Variants in RBM39 observed in about 807,000 individuals in gnomAD.
The protein encoded by RBM39 is RNA binding motif protein 39, also known as RNA-binding protein 39.
A neutral mutation model predicts 79.6 loss-of-function variants in RBM39; 12 were observed. The observed-to-expected ratio is 0.15, with a 90% CI of 0.10 to 0.24. RBM39 has a LOEUF of 0.24. RBM39 is among the 10% of genes least tolerant of loss of function. RBM39 has a pLI of 1.00. For missense variants in RBM39, 243 were observed against 653.4 expected (o/e 0.37, Z 6.85); for synonymous variants, 185 against 208.4 (o/e 0.89, Z 0.97).
intron 2 of RBM39, chr20:35,740,380 G>A: frequency 2.6e-6 from 1 of 380,514 alleles, no homozygotes; most frequent in Non-Finnish European, 5.2e-6. Context: ...CCACAGACTG[G>A]TCATGCTTTG....
At chr20:35,724,844 G>T (rs1203114287) in intron 7 of RBM39, 122 bp from the exon 8 acceptor site, 7 of 1,241,876 alleles carry the variant, frequency 5.6e-6, no homozygotes, top group Non-Finnish European at 7.8e-6. Context: ...TAAATCTGTA[G>T]GACAATTCCT....
chr20:35,718,080 TG>T (rs1326815622), intron 9 of RBM39, among the ~76,000 whole-genome samples: 15 of 152,018 alleles, frequency 9.9e-5, no homozygotes, highest in Non-Finnish European at 1.3e-4. Flanking sequence ...AGGATGGTCT[TG>T]ATCTCCTGAC....
intron 3 of RBM39, 107 bp from the exon 4 acceptor site, chr20:35,732,242 G>T: frequency 9.0e-7 from 1 of 1,108,700 alleles, no homozygotes; most frequent in Non-Finnish European, 1.3e-6. Context: ...AATTTCTTTG[G>T]CTAGTTTTAC....
intron 10 of RBM39, among the ~76,000 whole-genome samples, chr20:35,715,333 C>A (rs60223674): frequency 0.042 from 6,339 of 152,122 alleles, 154 homozygotes; most frequent in African/African-American, 0.068. Flanking sequence ...CGCCACCACG[C>A]CCGGTTAATT....
At chr20:35,713,215 G>A in intron 11 of RBM39, 119 bp from the exon 12 acceptor site, 1 of 784,834 alleles carries the variant, frequency 1.3e-6, no homozygotes, top group Non-Finnish European at 2.0e-6. Context: ...CGAGTGTGGT[G>A]GTTGACGCCT....
intron 9 of RBM39, among the ~76,000 whole-genome samples, chr20:35,721,306 T>C (rs974508105): frequency 6.6e-6 from 1 of 152,166 alleles, no homozygotes; most frequent in Non-Finnish European, 1.5e-5. Context: ...TACTAAAAAA[T>C]AATAGTCTTC....
Position 35,728,792 on chromosome 20 carries a change from T to C in RBM39, c.416+520A>G, listed in dbSNP as rs372544062. ...ACTCCATCTCATAAATAAATAACTT[T>C]TGTGGCCGGGTGTGTTGGCTCACAC... On this transcript the variant is annotated intron_variant, in intron 6 of 16. Coordinates refer to ENST00000253363, the MANE Select transcript of RBM39 (RefSeq NM_184234.3). Among the ~76,000 whole-genome samples the C allele has an allele frequency of 2.5e-4, 38 of 149,874 alleles. No homozygotes were observed. In the East Asian group the frequency reaches 4.4e-3, roughly 17 times the overall value.
chr20:35,706,901 C>T (rs1157301707), intron 14 of RBM39, among the ~76,000 whole-genome samples: 4 of 151,768 alleles, frequency 2.6e-5, no homozygotes, highest in East Asian at 3.9e-4. Flanking sequence ...GTGGCGCATG[C>T]CTGTAATCCC....
chr20:35,704,835 A>G, intron 15 of RBM39, 89 bp from the exon 16 acceptor site: 2 of 1,094,122 alleles, frequency 1.8e-6, no homozygotes, highest in South Asian at 1.4e-5. Context: ...GTAGAAACTT[A>G]GTGCTCTATA....
At chr20:35,707,240 G>C in intron 13 of RBM39, 39 bp from the exon 14 acceptor site, 1 of 1,421,612 alleles carries the variant, frequency 7.0e-7, no homozygotes, top group Non-Finnish European at 9.9e-7. Flanking sequence ...CATGGAAAAT[G>C]CATGAAAGTA....
rs186029878 is a variant in RBM39 at position 35,721,620 on chromosome 20, C to G, written c.825+120G>C. 1.4e-3 allele frequency: 1,626 copies of G among 1,170,498 alleles called. 4 individuals are homozygous for G. Among genetic ancestry groups the G allele is most frequent in the Non-Finnish European group, 1.6e-3 (1,375 of 850,800 alleles). 72.5% of individuals were successfully genotyped at this position (1,170,498 alleles called of 1,614,324 possible). A position where few individuals can be genotyped will look rare whatever the true frequency, so the allele number is the denominator to read the frequency against. On this transcript the variant is annotated intron_variant, in intron 9 of 16. Coordinates refer to ENST00000253363, the MANE Select transcript of RBM39 (RefSeq NM_184234.3). The stretch of plus-strand genomic sequence containing the variant: ...TGTTGTCACAGAAATTTTTATAAAA[C>G]CAGCCCTTATCCTCTTAATATTAAC...
Position 35,738,949 on chromosome 20 carries a change from G to A in RBM39, c.101+19C>T. 1.2e-6 allele frequency: 2 copies of A among 1,602,482 alleles called. No individual in the cohort carries two copies. Among genetic ancestry groups the A allele is most frequent in the South Asian group, 1.1e-5 (1 of 90,776 alleles). On this transcript the variant is annotated intron_variant, in intron 3 of 16. Coordinates refer to ENST00000253363, the MANE Select transcript of RBM39 (RefSeq NM_184234.3). ...AAAAAAGCTCACCACCCTCCCCCAA[G>A]CCCCTTCTTAAAACTCACTTTTTGC...
chr20:35,738,125 C>T (rs1262024210), intron 3 of RBM39, among the ~76,000 whole-genome samples: 2 of 151,372 alleles, frequency 1.3e-5, no homozygotes, highest in Non-Finnish European at 2.9e-5. Flanking sequence ...CACTGCACCC[C>T]AGCCTGGGCG....
intron 13 of RBM39, chr20:35,708,986 T>C: frequency 2.6e-6 from 1 of 387,740 alleles, no homozygotes; most frequent in Non-Finnish European, 4.6e-6. Context: ...GTTGAAAATT[T>C]TAAGCAAACT....
intron 4 of RBM39, 169 bp from the exon 5 acceptor site, chr20:35,729,696 C>A: frequency 1.5e-6 from 1 of 646,930 alleles, no homozygotes; most frequent in Non-Finnish European, 2.6e-6. Flanking sequence ...AGGCAAGCTG[C>A]CCTTGTATTT....
chr20:35,723,440 CTCTT>C (rs2038245489), intron 8 of RBM39, among the ~76,000 whole-genome samples: 1 of 152,120 alleles, frequency 6.6e-6, no homozygotes, highest in Non-Finnish European at 1.5e-5. Context: ...ATTTGAGTAA[CTCTT>C]TTTTCTTTTT....
Position 35,703,878 on chromosome 20 carries a change from T to C in RBM39, c.*603A>G, listed in dbSNP as rs1172713289. ...TTCAGGAAATGCAGGGATCATTTTGTTTGGAATTTTAAGACACACCAGAAC... is the reference window on the plus strand; with the variant it reads ...TTCAGGAAATGCAGGGATCATTTTGCTTGGAATTTTAAGACACACCAGAAC... On this transcript the variant is annotated 3_prime_UTR_variant, in exon 17 of 17. Coordinates refer to ENST00000253363, the MANE Select transcript of RBM39 (RefSeq NM_184234.3). 1 of 152,268 alleles carries C rather than the reference T, an allele frequency of 6.6e-6. No homozygotes were observed. Among genetic ancestry groups the C allele is most frequent in the Admixed American group, 6.5e-5 (1 of 15,272 alleles). 9.4% of individuals were successfully genotyped at this position (152,268 alleles called of 1,614,324 possible).
intron 7 of RBM39, 120 bp from the exon 8 acceptor site, chr20:35,724,842 T>G: frequency 8.0e-7 from 1 of 1,255,626 alleles, no homozygotes; most frequent in Non-Finnish European, 1.1e-6. Context: ...AGTAAATCTG[T>G]AGGACAATTC....
chr20:35,734,510 T>C, intron 3 of RBM39: 1 of 212,764 alleles, frequency 4.7e-6, no homozygotes, highest in Non-Finnish European at 9.6e-6. Context: ...AGGTAAAAAG[T>C]AACTCCATCC....
Sources: gnomAD v4.1 joint callset for allele counts (sites outside exome capture counted in the v4.1 genomes callset) on GRCh38, gnomAD v4.1.1 for gene constraint, MANE v1.5 for transcripts, NCBI Gene and HGNC (gene_info 2026-07-23, HGNC 2026-07-21) for gene names.